The following MCPH1 variants were observed in gnomAD, a reference collection of about 807,000 sequenced individuals.
The protein encoded by MCPH1 is microcephalin 1.
MCPH1 carries 104 observed loss-of-function variants against 84.5 expected under a neutral mutation model. The ratio of observed to expected loss-of-function variants is 1.23; its 90% CI spans 1.05 to 1.45. The LOEUF (loss-of-function observed/expected upper bound fraction) is 1.45. Among genes scored for constraint, MCPH1 ranks in the 40% most tolerant of loss-of-function variants. The pLI is 0.00. For synonymous variants in MCPH1, 514 were observed against 366.8 expected, an observed-to-expected ratio of 1.40 and a Z score of -4.58; for missense variants, 1,498 against 1,005.7, an observed-to-expected ratio of 1.49 and a Z score of -6.62.
chr8:6,485,198 G>T (rs896861154), intron 11 of MCPH1, among the ~76,000 whole-genome samples: 3 of 151,974 alleles, frequency 2.0e-5, no homozygotes, highest in African/African-American at 7.3e-5. Flanking sequence ...GGTGGCAGGT[G>T]CCTATAATCC....
chr8:6,496,381 A>G (rs957625755), intron 11 of MCPH1, among the ~76,000 whole-genome samples: 2 of 152,152 alleles, frequency 1.3e-5, no homozygotes, highest in African/African-American at 4.8e-5. Flanking sequence ...GGCTTCCTTC[A>G]CTGGTTCACC....
intron 6 of MCPH1, among the ~76,000 whole-genome samples, chr8:6,441,212 A>G (rs1249518931): frequency 6.6e-6 from 1 of 152,260 alleles, no homozygotes; most frequent in African/African-American, 2.4e-5. Context: ...GTAGATAACT[A>G]GCTGTGTCCC....
intron 12 of MCPH1, among the ~76,000 whole-genome samples, chr8:6,529,453 CTT>C (rs200029751): frequency 2.0e-4 from 27 of 135,946 alleles, no homozygotes; most frequent in Admixed American, 3.7e-4. Flanking sequence ...AGCCATTTTT[CTT>C]TTTTTTTTTT....
At chr8:6,418,012 C>T (rs993420365) in intron 3 of MCPH1, among the ~76,000 whole-genome samples, 4 of 152,188 alleles carry the variant, frequency 2.6e-5, no homozygotes, top group Admixed American at 6.5e-5. Context: ...TGCTTAGATG[C>T]GCCCTTTAAG....
intron 12 of MCPH1, among the ~76,000 whole-genome samples, chr8:6,598,113 A>G (rs1586750728): frequency 1.3e-5 from 2 of 152,200 alleles, no homozygotes; most frequent in East Asian, 3.9e-4. Context: ...GCTCCTGGAC[A>G]CAGAAATTAG....
intron 9 of MCPH1, chr8:6,473,996 C>G (rs3020283): frequency 0.14 from 135,166 of 939,462 alleles, 10,863 homozygotes; most frequent in Middle Eastern, 0.22. Flanking sequence ...GAAAATCTCA[C>G]ACTGAATATT....
rs6559161 is a variant in MCPH1, at chr8:6,429,720, T to G, written c.234-1779T>G. Among the ~76,000 whole-genome samples, 978 of 151,998 alleles carry G rather than the reference T, an allele frequency of 6.4e-3. 16 individuals carry two copies. The highest frequency in any genetic ancestry group is 0.023 in the African/African-American group (942 of 41,374). On this transcript the variant is annotated intron_variant, in intron 3 of 13. Coordinates refer to ENST00000344683, the MANE Select transcript of MCPH1 (RefSeq NM_024596.5). ...ACCTTCCATTTTTATTGTCTAAATA[T>G]TATTCAGTTAAGGATTCCCCCTCCC...
chr8:6,593,166 C>G (rs1828650213), intron 12 of MCPH1, among the ~76,000 whole-genome samples: 1 of 150,238 alleles, frequency 6.7e-6, no homozygotes, highest in Non-Finnish European at 1.5e-5. Context: ...TCACTGCAAC[C>G]TCTACCTCCC....
chr8:6,583,064 C>A (rs1346183576), intron 12 of MCPH1, among the ~76,000 whole-genome samples: 1 of 152,184 alleles, frequency 6.6e-6, no homozygotes, highest in East Asian at 1.9e-4. Flanking sequence ...CTATAGTCAA[C>A]CAAAACTCCT....
intron 12 of MCPH1, chr8:6,519,922 C>T (rs774544582): frequency 3.1e-5 from 50 of 1,612,916 alleles, no homozygotes; most frequent in Non-Finnish European, 4.1e-5. Flanking sequence ...CGTGGTGTGT[C>T]CTGATTTGAA....
intron 3 of MCPH1, among the ~76,000 whole-genome samples, chr8:6,418,689 C>G (rs1799679121): frequency 6.6e-6 from 1 of 152,132 alleles, no homozygotes; most frequent in East Asian, 1.9e-4. Flanking sequence ...TTCAGCGATT[C>G]TCCTGCCTCA....
At chr8:6,532,410 A>G in intron 12 of MCPH1, 2 of 1,614,040 alleles carry the variant, frequency 1.2e-6, no homozygotes. Flanking sequence ...CTATCATCAC[A>G]GCCGTCTGGT....
chr8:6,503,512 A>T (rs1357453660), intron 12 of MCPH1, among the ~76,000 whole-genome samples: 1 of 152,020 alleles, frequency 6.6e-6, no homozygotes, highest in Non-Finnish European at 1.5e-5. Context: ...CTGTGTGGAG[A>T]GGCCTGAATT....
chr8:6,422,652 C>T (rs1563184257), intron 3 of MCPH1, among the ~76,000 whole-genome samples: 1 of 152,156 alleles, frequency 6.6e-6, no homozygotes, highest in Non-Finnish European at 1.5e-5. Flanking sequence ...TCATGCAGAC[C>T]CCATAATACT....
intron 12 of MCPH1, chr8:6,521,376 T>C: frequency 1.2e-6 from 2 of 1,613,462 alleles, no homozygotes; most frequent in South Asian, 2.2e-5. Context: ...ATGATGTGCT[T>C]GTCTTCCATA....
At chr8:6,567,127 C>T (rs1260573871) in intron 12 of MCPH1, among the ~76,000 whole-genome samples, 3 of 138,166 alleles carry the variant, frequency 2.2e-5, no homozygotes, top group Admixed American at 7.2e-5. Context: ...GTGCGGTGAC[C>T]GTGTGTGATC....
intron 9 of MCPH1, among the ~76,000 whole-genome samples, chr8:6,470,159 A>G (rs1219451467): frequency 6.6e-6 from 1 of 152,244 alleles, no homozygotes; most frequent in Non-Finnish European, 1.5e-5. Flanking sequence ...CGAATGGAAG[A>G]GTAATATCTC....
At position 6,449,098 on chromosome 8, in the gene MCPH1, G is replaced by T. The variant is rs867675586; in HGVS notation, c.1825+3551G>T. 2.3e-4 allele frequency among the ~76,000 whole-genome samples: 35 copies of T among 152,266 alleles called. No homozygotes were observed. The Middle Eastern group carries it at 0.014, about 59-fold the overall frequency. On this transcript the variant is annotated intron_variant, in intron 8 of 13. Coordinates refer to ENST00000344683, the MANE Select transcript of MCPH1 (RefSeq NM_024596.5). ...ATTAAGGCTGATTTGTAATAAGATAGATTTTACGTATTTCACTTTTGAAAA... is the reference window on the plus strand; with the variant it reads ...ATTAAGGCTGATTTGTAATAAGATATATTTTACGTATTTCACTTTTGAAAA...
intron 12 of MCPH1, among the ~76,000 whole-genome samples, chr8:6,548,925 T>A (rs1013995494): frequency 1.3e-5 from 2 of 152,236 alleles, no homozygotes; most frequent in Non-Finnish European, 2.9e-5. Flanking sequence ...ACTACCTCCT[T>A]GTTAACCTCT....
Sources: gnomAD v4.1 joint callset for allele counts (sites outside exome capture counted in the v4.1 genomes callset) on GRCh38, gnomAD v4.1.1 for gene constraint, MANE v1.5 for transcripts, NCBI Gene and HGNC (gene_info 2026-07-23, HGNC 2026-07-21) for gene names.